INCA1: variants seen among roughly 807,000 people sequenced by gnomAD.
The protein encoded by INCA1 is protein INCA1.
INCA1 carries 28 observed loss-of-function variants against 25.7 expected under a neutral mutation model. The observed-to-expected ratio is 1.09, with a 90% CI of 0.81 to 1.49. The LOEUF is 1.49. Ranked by LOEUF, INCA1 falls within the 40% of genes most tolerant of loss-of-function variation. INCA1 has a pLI of 0.00. For missense variants in INCA1, 309 were observed against 290.9 expected, an observed-to-expected ratio of 1.06 and a Z score of -0.45; for synonymous variants, 111 against 103.6, an observed-to-expected ratio of 1.07 and a Z score of -0.43.
At position 4,989,499 on chromosome 17, in the gene INCA1, T is replaced by A. The variant is rs775504748; in HGVS notation, c.324A>T (p.Gly108=). 5.0e-6 allele frequency: 8 copies of A among 1,614,182 alleles called. No individual in the cohort carries two copies. The Admixed American group carries it at 5.0e-5, about 10-fold the overall frequency. Reference sequence around the variant, plus strand: ...TGACAGCCCTCACCCGGGCGGGGACTCCCCCAAGGCCCTGCTGCTGCATTC... The same window carrying A: ...TGACAGCCCTCACCCGGGCGGGGACACCCCCAAGGCCCTGCTGCTGCATTC... Residue 108 remains glycine, a synonymous_variant, in exon 5 of 7, where the codon GGA becomes GGT. Transcript: ENST00000576820.
At position 4,988,565 on chromosome 17, in the gene INCA1, G is replaced by A; in HGVS notation, c.562-11C>T. The A allele has an allele frequency of 2.5e-6, 4 of 1,606,950 alleles. No homozygotes were observed. The highest frequency in any genetic ancestry group is 2.2e-5 in the East Asian group (1 of 44,858). Reference sequence around the variant, plus strand: ...GGGAGACCAAAGCAGCTGTCAAGATGAGAGAAATTGAAAAAGAAAATGGAA... The same window carrying A: ...GGGAGACCAAAGCAGCTGTCAAGATAAGAGAAATTGAAAAAGAAAATGGAA... On this transcript the variant is annotated splice_polypyrimidine_tract_variant and intron_variant, in intron 6 of 6. Coordinates refer to ENST00000576820, the Ensembl canonical transcript of INCA1.
exon 2 of INCA1, chr17:4,994,436 A>T: frequency 6.2e-7 from 1 of 1,613,462 alleles, no homozygotes; most frequent in South Asian, 1.1e-5. Context: ...CTGCACCTGC[A>T]TGACTGGACG....
intron 5 of INCA1, 151 bp downstream of exon 5, chr17:4,989,277 C>T: frequency 2.7e-6 from 2 of 748,522 alleles, no homozygotes; most frequent in South Asian, 1.8e-5. Flanking sequence ...CTGTTTCAAT[C>T]ACACCAAAGC....
At chr17:4,988,656 C>T in intron 6 of INCA1, 102 bp from the exon 7 acceptor site, 1 of 1,569,148 alleles carries the variant, frequency 6.4e-7, no homozygotes, top group Admixed American at 1.8e-5. Flanking sequence ...CTGGTTCTCA[C>T]CTACGTTATT....
intron 1 of INCA1, among the ~76,000 whole-genome samples, chr17:4,996,591 A>T (rs1326668037): frequency 7.0e-6 from 1 of 142,570 alleles, no homozygotes; most frequent in Non-Finnish European, 1.5e-5. Context: ...CTGAGGCAGG[A>T]GAATCGCTTG....
intron 6 of INCA1, 65 bp from the exon 7 acceptor site, chr17:4,988,619 T>TA: frequency 6.3e-7 from 1 of 1,590,262 alleles, no homozygotes; most frequent in East Asian, 2.2e-5. Context: ...GATTTCCTAG[T>TA]ACCCAAGCTT....
At chr17:4,990,512 A>G (rs1411842123) in intron 2 of INCA1, among the ~76,000 whole-genome samples, 3 of 152,164 alleles carry the variant, frequency 2.0e-5, no homozygotes, top group African/African-American at 2.4e-5. Context: ...TTTAAGCTCT[A>G]TATCGGGGAT....
At chr17:4,995,203 C>CA (rs747828645) in intron 1 of INCA1, among the ~76,000 whole-genome samples, 1,773 of 123,352 alleles carry the variant, frequency 0.014, 13 homozygotes, top group African/African-American at 0.033. Flanking sequence ...GACTCTGTCT[C>CA]AAAAAAAAAA....
intron 4 of INCA1, 92 bp downstream of exon 4, chr17:4,989,798 A>C (rs1973716987): frequency 1.3e-6 from 2 of 1,593,054 alleles, no homozygotes; most frequent in Admixed American, 1.7e-5. Context: ...GGGGAATAAC[A>C]GAGGGAAGCG....
At chr17:4,989,333 CCTCCCCTCAAAG>C (rs1246494983) in intron 5 of INCA1, 83 bp downstream of exon 5, 7 of 1,207,796 alleles carry the variant, frequency 5.8e-6, no homozygotes, top group Middle Eastern at 2.4e-4. Flanking sequence ...TCCCCTCAAA[CCTCCCCTCAAAG>C]CTGTCAACCC....
At chr17:4,994,662 C>T (rs754680915) in intron 1 of INCA1, among the ~76,000 whole-genome samples, 187 bp from the exon 2 acceptor site, 2 of 151,766 alleles carry the variant, frequency 1.3e-5, no homozygotes, top group African/African-American at 4.8e-5. Flanking sequence ...TGGTGGCGCG[C>T]GCCTATAGTC....
At chr17:4,994,644 G>A (rs113515926) in intron 1 of INCA1, among the ~76,000 whole-genome samples, 169 bp from the exon 2 acceptor site, 1 of 152,010 alleles carries the variant, frequency 6.6e-6, no homozygotes, top group African/African-American at 2.4e-5. Context: ...ACAAACATTA[G>A]TCGGGTGTGG....
rs772881095 is a variant in INCA1, at chr17:4,988,417, C to T, written c.699G>A (p.Ala233=). 2.7e-5 allele frequency: 44 copies of T among 1,602,626 alleles called. No individual in the cohort carries two copies. The African/African-American group carries it at 5.3e-4, about 19-fold the overall frequency. Residue 233 remains alanine, a synonymous_variant, in exon 7 of 7, where the codon GCG becomes GCA. Transcript: ENST00000576820. Reference sequence around the variant, plus strand: ...CGGTGGTTTCTCCTTACTCTTCAGACGCTGCCAACTCCATCCCCCAGGGAT... The same window carrying T: ...CGGTGGTTTCTCCTTACTCTTCAGATGCTGCCAACTCCATCCCCCAGGGAT...
chr17:4,988,650 T>C, intron 6 of INCA1, 96 bp from the exon 7 acceptor site: 1 of 1,568,156 alleles, frequency 6.4e-7, no homozygotes. Context: ...AAGTCTCTGG[T>C]TCTCACCTAC....
At chr17:4,988,865 T>C (rs866131917) in exon 6 of INCA1, 4 of 1,614,250 alleles carry the variant, frequency 2.5e-6, no homozygotes, top group Non-Finnish European at 1.7e-6. Flanking sequence ...TCATTGGTGC[T>C]GGGGAATCCA....
intron 1 of INCA1, among the ~76,000 whole-genome samples, chr17:4,994,894 AAAAG>A (rs1188126735): frequency 6.6e-6 from 1 of 152,078 alleles, no homozygotes. Flanking sequence ...GGATGCTGAA[AAAAG>A]AGAGAGCTTA....
At chr17:4,992,745 TGTTGCCCAG>T (rs1456540416) in intron 2 of INCA1, among the ~76,000 whole-genome samples, 2 of 150,432 alleles carry the variant, frequency 1.3e-5, no homozygotes, top group East Asian at 3.9e-4. Context: ...GGACTTGCTT[TGTTGCCCAG>T]GCTGGAGTGC....
At chr17:4,989,548 T>C (rs1308031695) in exon 5 of INCA1, 4 of 1,614,238 alleles carry the variant, frequency 2.5e-6, no homozygotes, top group Admixed American at 1.7e-5. Flanking sequence ...CCTCCTCTTC[T>C]TTCTTCTCCA....
At position 4,989,927 on chromosome 17, in the gene INCA1, G is replaced by C. The variant is rs765689446; in HGVS notation, c.161C>G (p.Pro54Arg). 20 of 1,614,182 alleles carry C rather than the reference G, an allele frequency of 1.2e-5. No individual in the cohort carries two copies. The highest frequency in any genetic ancestry group is 1.7e-5 in the Non-Finnish European group (20 of 1,180,038). ...AATGTGCTGCTCCTCCAGCCAAGTG[G>C]GGCTGTGAAGAACAAAAAGGGGGCT... Residue 54 changes from proline to arginine, a missense_variant and splice_region_variant, in exon 4 of 7, where the codon CCC (proline) becomes CGC (arginine). Coordinates refer to ENST00000576820, the Ensembl canonical transcript of INCA1.
Sources: allele counts gnomAD v4.1 joint callset (sites outside exome capture counted in the v4.1 genomes callset), GRCh38; gene constraint gnomAD v4.1.1; transcripts MANE v1.5; gene names NCBI Gene and HGNC (gene_info 2026-07-23, HGNC 2026-07-21).